The following SLC23A2 variants were observed in gnomAD, a reference collection of about 807,000 sequenced individuals.
The protein encoded by SLC23A2 is Na(+)/L-ascorbic acid transporter 2.
In SLC23A2, 36 loss-of-function variants were observed where a neutral mutation model predicts 73.3. The ratio of observed to expected loss-of-function variants is 0.49; its 90% CI spans 0.38 to 0.65. The LOEUF (loss-of-function observed/expected upper bound fraction) is 0.65, where lower values mean the gene tolerates loss of function less well. SLC23A2 is among the 30% of genes least tolerant of loss of function. SLC23A2 has a pLI of 0.00. For synonymous variants in SLC23A2, 343 were observed against 327.3 expected, an observed-to-expected ratio of 1.05 and a Z score of -0.52; for missense variants, 507 against 841.6, an observed-to-expected ratio of 0.60 and a Z score of 4.92.
chr20:4,859,959 T>A (rs937481693), intron 15 of SLC23A2, among the ~76,000 whole-genome samples: 2 of 152,132 alleles, frequency 1.3e-5, no homozygotes, highest in African/African-American at 4.8e-5. Context: ...GATAGAATAA[T>A]CCTCAACAGA....
At chr20:4,905,572 T>G (rs1039766318) in intron 4 of SLC23A2, among the ~76,000 whole-genome samples, 4 of 152,246 alleles carry the variant, frequency 2.6e-5, no homozygotes, top group African/African-American at 9.6e-5. Context: ...AAAAACTGCC[T>G]GTGCTCCAAA....
At chr20:4,988,741 A>AC (rs1164581072) in intron 1 of SLC23A2, among the ~76,000 whole-genome samples, 2 of 151,068 alleles carry the variant, frequency 1.3e-5, no homozygotes, top group African/African-American at 4.9e-5. Context: ...TCTCAAAAAA[A>AC]AAAAAAGAAA....
At chr20:4,995,918 T>C (rs902473535) in intron 1 of SLC23A2, among the ~76,000 whole-genome samples, 4 of 152,156 alleles carry the variant, frequency 2.6e-5, no homozygotes, top group Non-Finnish European at 4.4e-5. Context: ...CCCTCTTCTA[T>C]ACTAACGAGA....
chr20:4,951,825 C>T (rs920433000), intron 2 of SLC23A2, among the ~76,000 whole-genome samples: 2 of 152,002 alleles, frequency 1.3e-5, no homozygotes, highest in South Asian at 2.1e-4. Flanking sequence ...CAAATGAGGT[C>T]GGGTGTGGTG....
At chr20:4,866,765 T>C (rs997834336) in intron 13 of SLC23A2, among the ~76,000 whole-genome samples, 6 of 152,320 alleles carry the variant, frequency 3.9e-5, no homozygotes, top group African/African-American at 1.2e-4. Context: ...GAATCTTACA[T>C]GGCAAAGGAG....
intron 9 of SLC23A2, among the ~76,000 whole-genome samples, chr20:4,875,510 G>C (rs1930618422): frequency 6.6e-6 from 1 of 152,116 alleles, no homozygotes; most frequent in South Asian, 2.1e-4. Flanking sequence ...CTTTCCTTTT[G>C]CCACCCTGGT....
chr20:4,912,794 G>A, intron 4 of SLC23A2, 86 bp downstream of exon 4: 1 of 862,658 alleles, frequency 1.2e-6, no homozygotes, highest in Non-Finnish European at 2.0e-6. Context: ...GCAAGTGTCT[G>A]AAAGGGATCC....
intron 3 of SLC23A2, among the ~76,000 whole-genome samples, chr20:4,928,333 ACC>A (rs1372738942): frequency 2.0e-5 from 3 of 152,202 alleles, no homozygotes; most frequent in African/African-American, 7.2e-5. Flanking sequence ...GAGCATCCGC[ACC>A]CAGCCTATAA....
At chr20:4,964,921 TGGAGGAAAAC>T (rs1397973266) in intron 2 of SLC23A2, among the ~76,000 whole-genome samples, 4 of 147,626 alleles carry the variant, frequency 2.7e-5, no homozygotes, top group Non-Finnish European at 6.0e-5. Context: ...GAAAGGAAAA[TGGAGGAAAAC>T]ACCAAAATAG....
chr20:4,941,155 C>CAAA (rs113408496), intron 2 of SLC23A2, among the ~76,000 whole-genome samples: 1 of 130,444 alleles, frequency 7.7e-6, no homozygotes, highest in African/African-American at 2.8e-5. Context: ...GACTCTGTCT[C>CAAA]AAAAAAAAAA....
At chr20:4,964,214 T>C (rs1418709584) in intron 2 of SLC23A2, among the ~76,000 whole-genome samples, 1 of 151,938 alleles carries the variant, frequency 6.6e-6, no homozygotes, top group Non-Finnish European at 1.5e-5. Flanking sequence ...TGGCTGGTCT[T>C]GAACTCCTGG....
intron 4 of SLC23A2, among the ~76,000 whole-genome samples, chr20:4,905,680 C>G (rs928108953): frequency 3.3e-5 from 5 of 152,206 alleles, no homozygotes; most frequent in African/African-American, 4.8e-5. Flanking sequence ...TCTAGTCTAG[C>G]ACCTTTGGGG....
intron 6 of SLC23A2, among the ~76,000 whole-genome samples, chr20:4,895,160 A>G (rs1931473817): frequency 6.6e-6 from 1 of 152,220 alleles, no homozygotes; most frequent in Non-Finnish European, 1.5e-5. Flanking sequence ...AGAAATCACG[A>G]AAGCTGGACA....
At chr20:4,967,475 C>A (rs1196710528) in intron 2 of SLC23A2, among the ~76,000 whole-genome samples, 1 of 152,124 alleles carries the variant, frequency 6.6e-6, no homozygotes. Flanking sequence ...CCTTCCTTAC[C>A]TTCTTATGTA....
In SLC23A2 at chr20:4,869,968, A is replaced by C; in HGVS notation, c.1188T>G (p.Gly396=). The C allele has an allele frequency of 6.2e-7, 1 of 1,613,800 alleles. No individual in the cohort carries two copies. The part of the protein sequence containing the change: ...AVVASIIESI[G]DYYACARLSC... ...ACAGCCGTGCACAGGCGTAGTAGTC[A>C]CCAATAGACTCGATGATGCTGGCGA... The change falls in exon 12 of 17, where the codon GGT becomes GGG. Residue 396 remains glycine (G), a synonymous_variant. Coordinates refer to ENST00000338244, the MANE Select transcript of SLC23A2 (RefSeq NM_005116.6).
At chr20:4,924,107 C>T (rs1234063270) in intron 3 of SLC23A2, among the ~76,000 whole-genome samples, 18 of 152,118 alleles carry the variant, frequency 1.2e-4, no homozygotes, top group Admixed American at 1.2e-3. Flanking sequence ...TGAGCCGCAT[C>T]GCCACTCTGT....
chr20:4,966,292 C>T (rs2087473562), intron 2 of SLC23A2, among the ~76,000 whole-genome samples: 1 of 152,088 alleles, frequency 6.6e-6, no homozygotes, highest in African/African-American at 2.4e-5. Flanking sequence ...TGTATTATTA[C>T]ATAGTCCCTG....
At position 5,006,810 on chromosome 20, in the gene SLC23A2, G is replaced by GGATT. The variant is rs1600226019; in HGVS notation, c.-282+3368_-282+3371dup. Among the ~76,000 whole-genome samples the GGATT allele has an allele frequency of 2.0e-5, 3 of 152,026 alleles. No homozygotes were observed. The East Asian group carries it at 5.8e-4, about 29-fold the overall frequency. ...CCTGCCTTGGCCTCCCAAAGTGCTG[G>GGATT]GATTATAGGAGTGAGCCACCACTCC... On this transcript the variant is annotated intron_variant, in intron 1 of 16. Transcript: ENST00000379333.
At chr20:5,009,562 C>T (rs2088226163) in intron 1 of SLC23A2, among the ~76,000 whole-genome samples, 1 of 152,140 alleles carries the variant, frequency 6.6e-6, no homozygotes, top group Admixed American at 6.6e-5. Flanking sequence ...TTCTGTATGC[C>T]AGCTCCTCAC....
Sources: allele counts gnomAD v4.1 joint callset (sites outside exome capture counted in the v4.1 genomes callset), GRCh38; gene constraint gnomAD v4.1.1; transcripts MANE v1.5; gene names NCBI Gene and HGNC (gene_info 2026-07-23, HGNC 2026-07-21).